NID2: variants seen among roughly 807,000 people sequenced by gnomAD.
NID2 encodes nidogen 2, also known as nidogen-2.
NID2 carries 83 observed loss-of-function variants against 145.4 expected under a neutral mutation model. The observed-to-expected ratio is 0.57, with a 90% CI of 0.48 to 0.69. The LOEUF (loss-of-function observed/expected upper bound fraction) is 0.69. Ranked by LOEUF, NID2 falls within the 30% of genes least tolerant of loss-of-function variation. The probability of loss-of-function intolerance (pLI) is 0.00; values close to 1 mark genes in which losing one functional copy is unlikely to be tolerated. For missense variants in NID2, 1,807 were observed against 1,765.7 expected (o/e 1.02, Z -0.42); for synonymous variants, 739 against 701.3 (o/e 1.05, Z -0.85).
chr14:52,030,614 AAAAGAAAGAAAGAG>A (rs1566755901), intron 9 of NID2, among the ~76,000 whole-genome samples: 4 of 134,634 alleles, frequency 3.0e-5, no homozygotes, highest in East Asian at 4.6e-4. Context: ...AAGAGAAAGA[AAAAGAAAGAAAGAG>A]AAAGAAAGAG....
At chr14:52,015,589 A>C (rs1891190504) in intron 14 of NID2, among the ~76,000 whole-genome samples, 2 of 152,180 alleles carry the variant, frequency 1.3e-5, no homozygotes, top group South Asian at 4.1e-4. Flanking sequence ...GGGAAGGGGC[A>C]TGATCTCCTT....
At chr14:52,060,634 TA>T (rs1892997736) in intron 2 of NID2, among the ~76,000 whole-genome samples, 1 of 152,214 alleles carries the variant, frequency 6.6e-6, no homozygotes, top group African/African-American at 2.4e-5. Context: ...AAACATAGGT[TA>T]AAAAATATAT....
At chr14:52,041,857 G>A (rs1041073597) in intron 7 of NID2, among the ~76,000 whole-genome samples, 8 of 152,220 alleles carry the variant, frequency 5.3e-5, no homozygotes, top group African/African-American at 1.9e-4. Flanking sequence ...CAAATGTTCT[G>A]AATGGAATCA....
intron 8 of NID2, among the ~76,000 whole-genome samples, chr14:52,039,418 C>T (rs1892196526): frequency 6.6e-6 from 1 of 152,180 alleles, no homozygotes; most frequent in Non-Finnish European, 1.5e-5. Flanking sequence ...TAAACCAATC[C>T]ATCTTCTACA....
chr14:52,014,143 A>G (rs761505626), intron 16 of NID2, 144 bp downstream of exon 16: 1 of 987,278 alleles, frequency 1.0e-6, no homozygotes, highest in South Asian at 1.4e-5. Flanking sequence ...TGGTGGTGGC[A>G]TCGGGCCCAT....
intron 14 of NID2, among the ~76,000 whole-genome samples, chr14:52,016,504 C>A (rs1891217343): frequency 6.6e-6 from 1 of 152,146 alleles, no homozygotes; most frequent in South Asian, 2.1e-4. Flanking sequence ...ATCCTTGACC[C>A]TCCTTTCTCT....
chr14:52,010,249 G>T (rs1890957629), intron 18 of NID2: 1 of 152,162 alleles, frequency 6.6e-6, no homozygotes, highest in African/African-American at 2.4e-5. Context: ...GGGCATCTGG[G>T]AATTTCATTT....
intron 15 of NID2, 102 bp from the exon 16 acceptor site, chr14:52,014,558 A>G: frequency 8.0e-7 from 1 of 1,243,888 alleles, no homozygotes; most frequent in East Asian, 2.6e-5. Context: ...AAAAATATCA[A>G]AAGTTCTTCG....
chr14:52,053,222 A>C (rs1372198628), intron 5 of NID2, among the ~76,000 whole-genome samples: 2 of 152,242 alleles, frequency 1.3e-5, no homozygotes, highest in African/African-American at 2.4e-5. Context: ...CCATCACTGG[A>C]ATGTGTATGA....
chr14:52,015,313 G>C (rs1891180890), intron 14 of NID2, 38 bp from the exon 15 acceptor site: 1 of 1,565,604 alleles, frequency 6.4e-7, no homozygotes, highest in Non-Finnish European at 8.7e-7. Flanking sequence ...AAAAACCTTT[G>C]ATTGTGAGTC....
At chr14:52,006,009 C>G (rs1359254432) in intron 20 of NID2, 160 bp from the exon 21 acceptor site, 4 of 614,696 alleles carry the variant, frequency 6.5e-6, no homozygotes, top group Admixed American at 5.0e-5. Flanking sequence ...GACCATTGCT[C>G]TAAATCCATT....
At chr14:52,020,976 G>A (rs767516490) in intron 12 of NID2, among the ~76,000 whole-genome samples, 22 of 151,936 alleles carry the variant, frequency 1.4e-4, no homozygotes, top group Non-Finnish European at 8.8e-5. Flanking sequence ...AATGAAATCC[G>A]CATATGCCGA....
chr14:52,012,757 C>T (rs577977971), intron 16 of NID2, among the ~76,000 whole-genome samples: 16 of 152,250 alleles, frequency 1.1e-4, no homozygotes, highest in African/African-American at 3.9e-4. Context: ...TGATATTTTT[C>T]CTCAACTCCA....
intron 3 of NID2, among the ~76,000 whole-genome samples, chr14:52,058,664 C>G (rs1892928364): frequency 1.3e-5 from 2 of 152,028 alleles, no homozygotes; most frequent in South Asian, 2.1e-4. Flanking sequence ...TCTTTTGGCC[C>G]CACTGTCTCC....
intron 5 of NID2, among the ~76,000 whole-genome samples, chr14:52,048,339 C>G (rs562261719): frequency 5.9e-5 from 9 of 152,274 alleles, no homozygotes; most frequent in African/African-American, 2.2e-4. Flanking sequence ...GGTGCTGAGC[C>G]CACGTGCAGC....
chr14:52,025,892 A>G (rs966787464), intron 12 of NID2, among the ~76,000 whole-genome samples: 3 of 152,252 alleles, frequency 2.0e-5, no homozygotes, highest in Non-Finnish European at 4.4e-5. Context: ...TCAACTTTCA[A>G]TACCACCACC....
rs147413567 is a variant in NID2 at position 52,005,783 on chromosome 14, T to C, written c.4071A>G (p.Arg1357=). Residue 1357 remains arginine, a synonymous_variant, in exon 21 of 22, where the codon CGA becomes CGG. Coordinates refer to ENST00000216286, the MANE Select transcript of NID2 (RefSeq NM_007361.4). The part of the protein sequence containing the change: ...QFTDEYLPEQ[R]SHLYGITAVY... ...CTGCAGTTATCCCGTAGAGGTGAGATCGTTGTTCTGGGAGATACTCATCAG... is the reference window on the plus strand; with the variant it reads ...CTGCAGTTATCCCGTAGAGGTGAGACCGTTGTTCTGGGAGATACTCATCAG... 4.3e-6 allele frequency: 7 copies of C among 1,613,980 alleles called. No homozygotes were observed. The highest frequency in any genetic ancestry group is 5.1e-6 in the Non-Finnish European group (6 of 1,179,860).
chr14:52,006,558 A>C lies in NID2; in HGVS notation c.3983T>G (p.Phe1328Cys). The change falls in exon 20 of 22, where the codon TTC becomes TGC. Residue 1328 changes from phenylalanine (F) to cysteine (C), a missense_variant. By Grantham distance (205) the Phe-to-Cys change is radical. Coordinates refer to ENST00000216286, the MANE Select transcript of NID2 (RefSeq NM_007361.4). ...PFSIVSYADHFYHTDWRRDGV... is the reference protein window; with the variant it reads ...PFSIVSYADHCYHTDWRRDGV... Reference sequence around the variant, plus strand: ...TCACCTCCTCCAGTCTGTGTGGTAGAAGTGATCTGCATAGCTTACGATGCT... The same window carrying C: ...TCACCTCCTCCAGTCTGTGTGGTAGCAGTGATCTGCATAGCTTACGATGCT... 1 of 1,613,748 alleles carries C rather than the reference A, an allele frequency of 6.2e-7. No homozygotes were observed. Among genetic ancestry groups the C allele is most frequent in the Non-Finnish European group, 8.5e-7 (1 of 1,179,714 alleles).
chr14:52,060,378 A>AAAG, intron 2 of NID2, 22 bp from the exon 3 acceptor site: 20 of 806,080 alleles, frequency 2.5e-5, no homozygotes, highest in East Asian at 1.2e-4. Context: ...AAAAAAAAAA[A>AAAG]AGAGAGAGAG....
Sources: gnomAD v4.1 joint callset for allele counts (sites outside exome capture counted in the v4.1 genomes callset) on GRCh38, gnomAD v4.1.1 for gene constraint, MANE v1.5 for transcripts, NCBI Gene and HGNC (gene_info 2026-07-23, HGNC 2026-07-21) for gene names.